The following AGBL1 variants were observed in gnomAD, a reference collection of about 807,000 sequenced individuals.
The protein encoded by AGBL1 is cytosolic carboxypeptidase 4.
AGBL1 carries 130 observed loss-of-function variants against 118.9 expected under a neutral mutation model. That is an observed-to-expected ratio of 1.09 (90% CI 0.95 to 1.26). The LOEUF (loss-of-function observed/expected upper bound fraction) is 1.26, where lower values mean the gene tolerates loss of function less well. Among genes scored for constraint, AGBL1 ranks in the 50% most tolerant of loss-of-function variants. The pLI, the probability that AGBL1 is intolerant of heterozygous loss-of-function variation, is 0.00. For missense variants in AGBL1, 1,584 were observed against 1,298.1 expected (o/e 1.22, Z -3.38); for synonymous variants, 555 against 478.9 (o/e 1.16, Z -2.08).
chr15:86,941,230 CTT>C, intron 23 of AGBL1, among the ~76,000 whole-genome samples: 1 of 152,192 alleles, frequency 6.6e-6, no homozygotes, highest in Non-Finnish European at 1.5e-5. Flanking sequence ...TTCTGAGACT[CTT>C]TTCCTCCACA....
intron 23 of AGBL1, among the ~76,000 whole-genome samples, chr15:86,945,071 T>C (rs2080801893): frequency 6.6e-6 from 1 of 151,856 alleles, no homozygotes; most frequent in African/African-American, 2.4e-5. Context: ...AATGATGACA[T>C]AGTAAGCAGC....
chr15:86,300,244 T>C (rs1389986176), intron 17 of AGBL1, among the ~76,000 whole-genome samples: 3 of 152,168 alleles, frequency 2.0e-5, no homozygotes, highest in Non-Finnish European at 4.4e-5. Flanking sequence ...TTCTCCACAT[T>C]GCTCTCACAA....
intron 9 of AGBL1, among the ~76,000 whole-genome samples, chr15:86,262,035 T>C (rs2078995055): frequency 6.7e-6 from 1 of 150,044 alleles, no homozygotes; most frequent in Non-Finnish European, 1.5e-5. Flanking sequence ...ATTGAAGCTT[T>C]TCCTTCTGCT....
At chr15:86,751,769 T>C (rs1047110833) in intron 22 of AGBL1, among the ~76,000 whole-genome samples, 14 of 152,152 alleles carry the variant, frequency 9.2e-5, no homozygotes, top group Admixed American at 7.9e-4. Context: ...CTTACTGATA[T>C]GTGTATTTCT....
chr15:86,986,989 G>A (rs188472209), intron 23 of AGBL1, among the ~76,000 whole-genome samples: 3 of 152,136 alleles, frequency 2.0e-5, no homozygotes, highest in African/African-American at 4.8e-5. Context: ...GTTCTCAGGC[G>A]GGCAGGAGTG....
intron 18 of AGBL1, among the ~76,000 whole-genome samples, chr15:86,513,045 C>G (rs1243392678): frequency 1.3e-5 from 2 of 151,760 alleles, no homozygotes; most frequent in African/African-American, 4.8e-5. Context: ...TTTCACCCAG[C>G]TTACCTAAAT....
chr15:86,845,195 G>T (rs1437888123), intron 22 of AGBL1, among the ~76,000 whole-genome samples: 1 of 152,084 alleles, frequency 6.6e-6, no homozygotes, highest in Non-Finnish European at 1.5e-5. Context: ...CAAAAGGTCT[G>T]TTGAGATTAT....
intron 23 of AGBL1, among the ~76,000 whole-genome samples, chr15:86,954,813 A>T (rs376819344): frequency 6.6e-6 from 1 of 152,292 alleles, no homozygotes; most frequent in African/African-American, 2.4e-5. Context: ...ACTGAAATTT[A>T]AAAAAATGTT....
intron 23 of AGBL1, among the ~76,000 whole-genome samples, chr15:86,971,494 G>A (rs992404213): frequency 2.0e-5 from 3 of 151,870 alleles, no homozygotes; most frequent in African/African-American, 7.3e-5. Flanking sequence ...CCAAGTATGT[G>A]GATATGGGGA....
chr15:86,292,449 G>T (rs1214322223), intron 16 of AGBL1, among the ~76,000 whole-genome samples: 1 of 152,152 alleles, frequency 6.6e-6, no homozygotes, highest in Non-Finnish European at 1.5e-5. Flanking sequence ...ATTTTGCCCA[G>T]TGGGACCCAT....
chr15:86,083,658 C>A (rs1294528757), intron 1 of AGBL1: 1 of 152,154 alleles, frequency 6.6e-6, no homozygotes, highest in Non-Finnish European at 1.5e-5. Context: ...GTCCACTTCT[C>A]CCCCTTGGAC....
chr15:86,291,364 G>GCACACA (rs71144036), intron 16 of AGBL1, among the ~76,000 whole-genome samples: 50,612 of 151,028 alleles, frequency 0.34, 8,710 homozygotes, highest in African/African-American at 0.37. Context: ...GTTTATTTAT[G>GCACACA]CACACACACA....
chr15:86,493,087 A>G (rs892818467), intron 18 of AGBL1, among the ~76,000 whole-genome samples: 2 of 151,846 alleles, frequency 1.3e-5, no homozygotes, highest in African/African-American at 2.4e-5. Flanking sequence ...CCAGCTACTC[A>G]GGAGGCTGAG....
chr15:86,872,994 T>C (rs1382638745), intron 22 of AGBL1, among the ~76,000 whole-genome samples: 1 of 152,168 alleles, frequency 6.6e-6, no homozygotes, highest in Non-Finnish European at 1.5e-5. Flanking sequence ...GACAAGTCAT[T>C]TCTAATTAGA....
At chr15:86,294,371 C>A (rs930186896) in intron 16 of AGBL1, among the ~76,000 whole-genome samples, 2 of 134,788 alleles carry the variant, frequency 1.5e-5, no homozygotes, top group Non-Finnish European at 3.0e-5. Context: ...TGCACTCCAG[C>A]CTGCCTGGTT....
chr15:86,888,271 C>T (rs1368240199), intron 22 of AGBL1, among the ~76,000 whole-genome samples: 1 of 151,734 alleles, frequency 6.6e-6, no homozygotes, highest in African/African-American at 2.4e-5. Flanking sequence ...GTGACCTGGC[C>T]AGCACCACTC....
At chr15:86,897,886 C>T (rs1316576245) in intron 22 of AGBL1, among the ~76,000 whole-genome samples, 1 of 150,810 alleles carries the variant, frequency 6.6e-6, no homozygotes, top group Non-Finnish European at 1.5e-5. Flanking sequence ...CCTCCCACCT[C>T]AGCCTCCTGA....
chr15:86,546,153 G>A lies in AGBL1; in HGVS notation c.2817+20G>A, dbSNP rs753322817. On this transcript the variant is annotated intron_variant, in intron 20 of 22. Coordinates refer to ENST00000614907, the MANE Select transcript of AGBL1 (RefSeq NM_001386094.1). ...TACAGGGTAAGCCGCTGTGGGGAAT[G>A]ACATCAGACATGCTGTGTTCATATT... 6.2e-7 allele frequency: 1 copy of A among 1,603,378 alleles called. No individual in the cohort carries two copies. The highest frequency in any genetic ancestry group is 8.5e-7 in the Non-Finnish European group (1 of 1,172,288).
intron 1 of AGBL1, among the ~76,000 whole-genome samples, chr15:86,124,675 G>A (rs1412626806): frequency 6.6e-6 from 1 of 152,194 alleles, no homozygotes; most frequent in Non-Finnish European, 1.5e-5. Flanking sequence ...CTCACAAAGA[G>A]AGTCTACATT....
Sources: gnomAD v4.1 joint callset for allele counts (sites outside exome capture counted in the v4.1 genomes callset) on GRCh38, gnomAD v4.1.1 for gene constraint, MANE v1.5 for transcripts, NCBI Gene and HGNC (gene_info 2026-07-23, HGNC 2026-07-21) for gene names.